Variants in FRK observed in about 807,000 individuals in gnomAD.
FRK encodes the protein fyn related Src family tyrosine kinase, also known as tyrosine-protein kinase FRK.
A neutral mutation model predicts 56.4 loss-of-function variants in FRK; 51 were observed. That is an observed-to-expected ratio of 0.90 (90% CI 0.72 to 1.14). The LOEUF is 1.14. Ranked by LOEUF, FRK falls within the 50% of genes most tolerant of loss-of-function variation. The pLI is 0.00. For missense variants in FRK, 570 were observed against 601.4 expected, an observed-to-expected ratio of 0.95 and a Z score of 0.55; for synonymous variants, 245 against 217.9, an observed-to-expected ratio of 1.12 and a Z score of -1.10.
intron 1 of FRK, among the ~76,000 whole-genome samples, chr6:116,041,063 T>C (rs956309377): frequency 1.3e-5 from 2 of 152,196 alleles, no homozygotes. Flanking sequence ...TTGTTTTCTA[T>C]CATTTTCCCG....
intron 2 of FRK, among the ~76,000 whole-genome samples, chr6:115,991,714 G>T: frequency 6.6e-6 from 1 of 151,670 alleles, no homozygotes; most frequent in East Asian, 1.9e-4. Flanking sequence ...GTTCATCAGG[G>T]ATATTAGCCT....
chr6:116,066,515 C>T, the FRK span, among the ~76,000 whole-genome samples: 1 of 152,114 alleles, frequency 6.6e-6, no homozygotes, highest in African/African-American at 2.4e-5. Flanking sequence ...GCAACTTATT[C>T]TCCAAATGGC....
rs1777592071 is a variant in FRK at position 116,060,582 on chromosome 6, C to T, written c.-271G>A. The T allele has an allele frequency of 5.2e-6, 2 of 385,314 alleles. No individual in the cohort carries two copies. Among genetic ancestry groups the T allele is most frequent in the Admixed American group, 8.2e-5 (2 of 24,314 alleles). 23.9% of individuals were successfully genotyped at this position (385,314 alleles called of 1,614,324 possible). A position where few individuals can be genotyped will look rare whatever the true frequency, so the allele number is the denominator to read the frequency against. ...GGGCAGCTGCTCACTAGGAAGGTGT[C>T]TTTTCTTCTTATCTGCTTAAGAATC... On this transcript the variant is annotated 5_prime_UTR_variant, in exon 1 of 8. Transcript: ENST00000606080.
chr6:116,054,792 C>A (rs1352761941), intron 1 of FRK, among the ~76,000 whole-genome samples: 3 of 151,624 alleles, frequency 2.0e-5, no homozygotes, highest in African/African-American at 7.3e-5. Context: ...TGGAACTGAT[C>A]GCACACTGGT....
At chr6:116,007,475 G>A (rs1303339935) in intron 1 of FRK, among the ~76,000 whole-genome samples, 1 of 152,194 alleles carries the variant, frequency 6.6e-6, no homozygotes, top group African/African-American at 2.4e-5. Context: ...ACCTTGAAGT[G>A]TAATGTGAAG....
the FRK span, among the ~76,000 whole-genome samples, chr6:116,069,530 G>C: frequency 6.6e-6 from 1 of 152,092 alleles, no homozygotes; most frequent in Non-Finnish European, 1.5e-5. Context: ...CAATACTTGA[G>C]GGGGCTGAGT....
chr6:115,976,779 C>T (rs181941577), intron 2 of FRK, among the ~76,000 whole-genome samples: 10 of 152,188 alleles, frequency 6.6e-5, no homozygotes, highest in Admixed American at 6.5e-4. Flanking sequence ...TCTATATACT[C>T]CCACAGGGAT....
chr6:116,014,644 T>C (rs1214450324), intron 1 of FRK, among the ~76,000 whole-genome samples: 1 of 152,056 alleles, frequency 6.6e-6, no homozygotes, highest in Non-Finnish European at 1.5e-5. Context: ...AAGTAGATCT[T>C]TGGTAAATTT....
intron 1 of FRK, among the ~76,000 whole-genome samples, chr6:116,054,455 TTATA>T (rs1287186827): frequency 6.9e-6 from 1 of 144,494 alleles, no homozygotes; most frequent in South Asian, 2.1e-4. Context: ...TTATACTATA[TTATA>T]TATAATATAA....
intron 5 of FRK, among the ~76,000 whole-genome samples, chr6:115,952,367 A>G (rs888347818): frequency 2.0e-5 from 3 of 152,192 alleles, no homozygotes; most frequent in Admixed American, 2.0e-4. Context: ...CAAAACCACA[A>G]TGAAATACCA....
intron 1 of FRK, among the ~76,000 whole-genome samples, chr6:116,031,342 T>C (rs1373370273): frequency 6.6e-6 from 1 of 152,130 alleles, no homozygotes; most frequent in Non-Finnish European, 1.5e-5. Context: ...TTGTTATACA[T>C]ATATCACCTG....
At chr6:116,087,487 T>C in the FRK span, among the ~76,000 whole-genome samples, 1 of 152,258 alleles carries the variant, frequency 6.6e-6, no homozygotes, top group Non-Finnish European at 1.5e-5. Context: ...TGTTCCAGCA[T>C]GCTAAATAAA....
the FRK span, among the ~76,000 whole-genome samples, chr6:116,098,087 G>C: frequency 6.8e-6 from 1 of 146,200 alleles, no homozygotes; most frequent in Non-Finnish European, 1.5e-5. Context: ...CACTCTCCTT[G>C]GCTTACAGAC....
At chr6:115,998,037 G>A (rs541714854) in intron 2 of FRK, among the ~76,000 whole-genome samples, 46 of 152,314 alleles carry the variant, frequency 3.0e-4, no homozygotes, top group Non-Finnish European at 4.4e-4. Flanking sequence ...GTCCTTGGGC[G>A]ACTCCCATAC....
intron 1 of FRK, 87 bp downstream of exon 1, chr6:116,059,881 T>G: frequency 3.5e-6 from 4 of 1,136,756 alleles, no homozygotes; most frequent in Non-Finnish European, 5.1e-6. Context: ...TCTTTGGACA[T>G]TAGGGGGTTG....
Position 115,988,745 on chromosome 6 carries a change from A to G in FRK, c.466+15132T>C, listed in dbSNP as rs974662413. Among the ~76,000 whole-genome samples, 8 of 152,004 alleles carry G rather than the reference A, an allele frequency of 5.3e-5. No homozygotes were observed. In the South Asian group the frequency reaches 1.0e-3, roughly 20 times the overall value. On this transcript the variant is annotated intron_variant, in intron 2 of 7. Coordinates refer to ENST00000606080, the MANE Select transcript of FRK (RefSeq NM_002031.3). ...ATACACTACTTGGACTTCATTTCAC[A>G]TTATTTTTTCAATAACATATTTTTG...
intron 2 of FRK, among the ~76,000 whole-genome samples, chr6:115,969,257 A>G (rs182896224): frequency 1.3e-3 from 205 of 152,290 alleles, no homozygotes; most frequent in African/African-American, 4.7e-3. Flanking sequence ...AGGACTGTTC[A>G]TTATATTGTA....
intron 5 of FRK, among the ~76,000 whole-genome samples, chr6:115,955,423 C>T (rs1772945886): frequency 6.6e-6 from 1 of 152,156 alleles, no homozygotes; most frequent in Admixed American, 6.5e-5. Flanking sequence ...ACCACTTCTG[C>T]ACTTTGTCCT....
intron 2 of FRK, among the ~76,000 whole-genome samples, chr6:115,985,539 G>C (rs1169370534): frequency 6.6e-6 from 1 of 152,076 alleles, no homozygotes; most frequent in Non-Finnish European, 1.5e-5. Flanking sequence ...CATAAGTTCT[G>C]AGTCAGATAG....
Sources: allele counts gnomAD v4.1 joint callset (sites outside exome capture counted in the v4.1 genomes callset), GRCh38; gene constraint gnomAD v4.1.1; transcripts MANE v1.5; gene names NCBI Gene and HGNC (gene_info 2026-07-23, HGNC 2026-07-21).